Variants in FRMPD1 observed in about 807,000 individuals in gnomAD.
FRMPD1 encodes FERM and PDZ domain containing 1, also known as FERM and PDZ domain-containing protein 1.
FRMPD1 carries 76 observed loss-of-function variants against 117.8 expected under a neutral mutation model. The ratio of observed to expected loss-of-function variants is 0.65; its 90% CI spans 0.54 to 0.78. The LOEUF is 0.78. Among genes scored for constraint, FRMPD1 ranks in the 30% least tolerant of loss-of-function variants. The pLI is 0.00. For missense variants in FRMPD1, 1,786 were observed against 1,964.5 expected (o/e 0.91, Z 1.72); for synonymous variants, 783 against 770.4 (o/e 1.02, Z -0.27).
At position 37,673,008 on chromosome 9, in the gene FRMPD1, T is replaced by C. The variant is rs889978883; in HGVS notation, c.-4-19630T>C. Among the ~76,000 whole-genome samples, 20 of 152,274 alleles carry C rather than the reference T, an allele frequency of 1.3e-4. 1 individual carries two copies. Among genetic ancestry groups the C allele is most frequent in the Admixed American group, 3.9e-4 (6 of 15,298 alleles). On this transcript the variant is annotated intron_variant, in intron 1 of 15. Coordinates refer to ENST00000377765, the MANE Select transcript of FRMPD1 (RefSeq NM_014907.3). ...ATTCTGCCCTTGGCCCCTCCAAATC[T>C]CATATCCTCACATTTCAAAACCAAT...
intron 15 of FRMPD1, among the ~76,000 whole-genome samples, chr9:37,741,996 C>T (rs1283674410): frequency 2.6e-5 from 4 of 152,210 alleles, no homozygotes; most frequent in East Asian, 1.9e-4. Context: ...TCTGGCACCT[C>T]GCACAGCCTG....
At chr9:37,739,074 C>G (rs983387351) in intron 14 of FRMPD1, among the ~76,000 whole-genome samples, 2 of 152,028 alleles carry the variant, frequency 1.3e-5, no homozygotes, top group African/African-American at 4.8e-5. Flanking sequence ...CAGAGGAGAC[C>G]TCAGCGCCAT....
At position 37,745,066 on chromosome 9, in the gene FRMPD1, T is replaced by G. The variant is rs766149279; in HGVS notation, c.3034T>G (p.Ser1012Ala). The G allele has an allele frequency of 1.2e-6, 2 of 1,614,028 alleles. No individual in the cohort carries two copies. The highest frequency in any genetic ancestry group is 1.1e-5 in the South Asian group (1 of 91,076). ...KEPTIEHGDS[S>A]FSLSSGDPNP... The stretch of plus-strand genomic sequence containing the variant: ...ACCAACCATAGAGCATGGAGACAGC[T>G]CCTTCTCCCTCTCCAGTGGTGACCC... The change falls in exon 16 of 16, where the codon TCC becomes GCC. Residue 1012 changes from serine (S) to alanine (A), a missense_variant. Ser to Ala is a moderately conservative substitution (Grantham distance 99, BLOSUM62 1). Transcript: ENST00000377765.
intron 11 of FRMPD1, 40 bp from the exon 12 acceptor site, chr9:37,733,690 G>A: frequency 6.3e-7 from 1 of 1,580,320 alleles, no homozygotes; most frequent in East Asian, 2.2e-5. Flanking sequence ...TTAGACCAAT[G>A]AATAACTCTG....
chr9:37,682,162 CAGG>C (rs1463970533), intron 1 of FRMPD1, among the ~76,000 whole-genome samples: 2 of 152,166 alleles, frequency 1.3e-5, no homozygotes, highest in Admixed American at 6.5e-5. Flanking sequence ...AATTACTTGA[CAGG>C]AGAAGAATGG....
intron 2 of FRMPD1, among the ~76,000 whole-genome samples, chr9:37,698,549 CTTTTTTTTTTTT>C (rs531498194): frequency 1.0e-3 from 78 of 74,594 alleles, no homozygotes; most frequent in Admixed American, 1.3e-3. Flanking sequence ...ATCTCATTAT[CTTTTTTTTTTTT>C]TTTTTTTTTT....
the FRMPD1 span, among the ~76,000 whole-genome samples, chr9:37,636,117 G>T: frequency 6.6e-6 from 1 of 152,206 alleles, no homozygotes; most frequent in East Asian, 1.9e-4. Flanking sequence ...CACCGCAGCT[G>T]GACGGCTGGA....
chr9:37,636,171 G>A, the FRMPD1 span, among the ~76,000 whole-genome samples: 1 of 152,204 alleles, frequency 6.6e-6, no homozygotes, highest in African/African-American at 2.4e-5. Flanking sequence ...GGAGAGGAAA[G>A]GGTGGGCTGC....
chr9:37,639,336 G>A, the FRMPD1 span, among the ~76,000 whole-genome samples: 1 of 152,124 alleles, frequency 6.6e-6, no homozygotes, highest in Non-Finnish European at 1.5e-5. Context: ...CCTGGAGCTA[G>A]TAGTTTGCAC....
At chr9:37,662,920 TAATC>T (rs1466218728) in intron 1 of FRMPD1, among the ~76,000 whole-genome samples, 1 of 152,210 alleles carries the variant, frequency 6.6e-6, no homozygotes, top group Non-Finnish European at 1.5e-5. Context: ...TAAAGAGAAT[TAATC>T]TATCTTTTGC....
intron 1 of FRMPD1, among the ~76,000 whole-genome samples, chr9:37,658,284 C>T (rs567469130): frequency 6.6e-6 from 1 of 152,262 alleles, no homozygotes; most frequent in South Asian, 2.1e-4. Flanking sequence ...GTGGGTCCCC[C>T]TTCTGAGCTG....
intron 6 of FRMPD1, among the ~76,000 whole-genome samples, chr9:37,723,655 C>T (rs371728717): frequency 5.9e-5 from 9 of 152,056 alleles, no homozygotes; most frequent in African/African-American, 1.9e-4. Flanking sequence ...GCCAGGGGTT[C>T]GAGACCAGCT....
At chr9:37,710,733 G>A (rs755146152) in intron 4 of FRMPD1, among the ~76,000 whole-genome samples, 9 of 152,040 alleles carry the variant, frequency 5.9e-5, no homozygotes, top group Non-Finnish European at 1.2e-4. Flanking sequence ...TTGGGAGGCC[G>A]AGGTGGGCAG....
chr9:37,740,429 G>T lies in FRMPD1; in HGVS notation c.1901G>T (p.Gly634Val). 1 of 1,614,168 alleles carries T rather than the reference G, an allele frequency of 6.2e-7. No individual in the cohort carries two copies. Among genetic ancestry groups the T allele is most frequent in the Non-Finnish European group, 8.5e-7 (1 of 1,180,014 alleles). ...RSTFFHFGSP[G>V]LAESIDSDSQ... ...ACCTTCTTCCACTTTGGCTCGCCAG[G>T]CCTCGCAGAGAGCATTGACTCTGAC... is the stretch of plus-strand genomic sequence containing the variant. The change falls in exon 15 of 16, where the codon GGC (glycine) becomes GTC (valine). Residue 634 changes from glycine (G) to valine (V), a missense_variant. Transcript: ENST00000377765. The surrounding 1 kb of genome is among the most constrained non-coding windows in gnomAD (Gnocchi z 4.2).
rs775629126 is a variant in FRMPD1 at position 37,746,808 on chromosome 9, C to T, written c.*39C>T. The stretch of plus-strand genomic sequence containing the variant: ...CCAAGGGCCTCCTGCCCTGTCCTGC[C>T]TTGGACACTTCCCTGAGAAGCCCCT... On this transcript the variant is annotated 3_prime_UTR_variant, in exon 16 of 16. Transcript: ENST00000377765. The T allele has an allele frequency of 1.1e-4, 161 of 1,402,402 alleles. No individual in the cohort carries two copies. The South Asian group carries it at 1.9e-3, about 16-fold the overall frequency. 86.9% of individuals were successfully genotyped at this position (1,402,402 alleles called of 1,614,324 possible).
chr9:37,696,635 C>G (rs1822334584), intron 2 of FRMPD1, among the ~76,000 whole-genome samples: 1 of 152,182 alleles, frequency 6.6e-6, no homozygotes, highest in Admixed American at 6.5e-5. Context: ...ACCAATGAGA[C>G]TAAGGATTTA....
intron 6 of FRMPD1, among the ~76,000 whole-genome samples, chr9:37,721,955 C>G (rs1413043823): frequency 6.6e-6 from 1 of 152,076 alleles, no homozygotes; most frequent in Admixed American, 6.5e-5. Context: ...TGGAAAAAGC[C>G]TTAGGGAAAA....
Position 37,745,426 on chromosome 9 carries a change from G to T in FRMPD1, c.3394G>T (p.Asp1132Tyr), listed in dbSNP as rs1292640803. 6.2e-7 allele frequency: 1 copy of T among 1,614,004 alleles called. No individual in the cohort carries two copies. The highest frequency in any genetic ancestry group is 1.7e-5 in the Admixed American group (1 of 60,024). Residue 1132 changes from aspartate to tyrosine, a missense_variant, in exon 16 of 16, where the codon GAT (aspartate) becomes TAT (tyrosine). Transcript: ENST00000377765. ...CGTATTTCAGGAGGAGTCTAGGAAGGATTCAGGTGACTCCCCGGGTGATGT... is the reference window on the plus strand; with the variant it reads ...CGTATTTCAGGAGGAGTCTAGGAAGTATTCAGGTGACTCCCCGGGTGATGT... The part of the protein sequence containing the change: ...TNVFQEESRK[D>Y]SGDSPGDVSN...
chr9:37,672,449 G>C (rs62533877), intron 1 of FRMPD1, among the ~76,000 whole-genome samples: 15,801 of 152,138 alleles, frequency 0.1, 1,248 homozygotes, highest in African/African-American at 0.22. Context: ...ATAACAGCAG[G>C]TACCACTTAC....
Sources: gnomAD v4.1 joint callset for allele counts (sites outside exome capture counted in the v4.1 genomes callset) on GRCh38, gnomAD v4.1.1 for gene constraint, Gnocchi (gnomAD v3.1) non-coding constraint, MANE v1.5 for transcripts, NCBI Gene and HGNC (gene_info 2026-07-23, HGNC 2026-07-21) for gene names.